CPM: variants seen among roughly 807,000 people sequenced by gnomAD.
CPM encodes the protein renal carboxypeptidase.
CPM carries 35 observed loss-of-function variants against 46.4 expected under a neutral mutation model. The observed-to-expected ratio is 0.75, with a 90% CI of 0.58 to 1.00. CPM has a LOEUF of 1.00. Among genes scored for constraint, CPM ranks in the 50% least tolerant of loss-of-function variants. CPM has a pLI of 0.00. For missense variants in CPM, 422 were observed against 530.4 expected (o/e 0.80, Z 2.01); for synonymous variants, 195 against 195.3 (o/e 1.00, Z 0.01).
chr12:68,886,715 G>A (rs1886447552), intron 2 of CPM, among the ~76,000 whole-genome samples: 1 of 152,154 alleles, frequency 6.6e-6, no homozygotes, highest in Non-Finnish European at 1.5e-5. Flanking sequence ...CCTGAATTCT[G>A]TATTTAAATG....
intron 1 of CPM, among the ~76,000 whole-genome samples, chr12:68,952,150 T>C (rs549759816): frequency 1.3e-5 from 2 of 152,330 alleles, no homozygotes; most frequent in Admixed American, 1.3e-4. Flanking sequence ...AAAGATTGCT[T>C]TTTTGAGGGA....
At chr12:68,924,403 C>T (rs1468875787) in intron 2 of CPM, among the ~76,000 whole-genome samples, 1 of 150,826 alleles carries the variant, frequency 6.6e-6, no homozygotes, top group Non-Finnish European at 1.5e-5. Context: ...AGGAGCATTG[C>T]TTGAACCCAG....
chr12:68,945,889 G>C (rs1177366632), intron 1 of CPM, among the ~76,000 whole-genome samples: 1 of 109,730 alleles, frequency 9.1e-6, no homozygotes, highest in Non-Finnish European at 1.7e-5. Context: ...GTCTCACTCT[G>C]TTGCCCAGGC....
At chr12:68,931,182 C>T (rs11615129) in intron 2 of CPM, among the ~76,000 whole-genome samples, 18,161 of 152,100 alleles carry the variant, frequency 0.12, 1,116 homozygotes, top group Non-Finnish European at 0.13. Context: ...ATATTGACTT[C>T]GCATTGCACA....
rs148466067 is a variant in CPM, at chr12:68,915,867, C to A, written c.160+16811G>T. Among the ~76,000 whole-genome samples, 975 of 152,338 alleles carry A rather than the reference C, an allele frequency of 6.4e-3. 11 individuals carry two copies. Among genetic ancestry groups the A allele is most frequent in the South Asian group, 0.037 (178 of 4,828 alleles). On this transcript the variant is annotated intron_variant, in intron 2 of 8. Transcript: ENST00000551568. Reference sequence around the variant, plus strand: ...ACATCAATTTCTTCATCTGTAAAATCTATTTGCTCTTGCCTATAAAATGGG... The same window carrying A: ...ACATCAATTTCTTCATCTGTAAAATATATTTGCTCTTGCCTATAAAATGGG...
At chr12:68,937,931 A>C (rs2136328755), upstream of CPM, among the ~76,000 whole-genome samples, 1 of 152,326 alleles carries the variant, frequency 6.6e-6, no homozygotes, top group African/African-American at 2.4e-5. Flanking sequence ...ACAGGATCAA[A>C]ATATCTTAGA....
chr12:68,878,456 C>T (rs1299853245), intron 3 of CPM, among the ~76,000 whole-genome samples: 1 of 152,188 alleles, frequency 6.6e-6, no homozygotes, highest in Non-Finnish European at 1.5e-5. Context: ...CTGGATGGAT[C>T]TGCTGGCACC....
Position 68,947,063 on chromosome 12 carries a change from T to C in CPM, c.-3-14223A>G, listed in dbSNP as rs147851405. Among the ~76,000 whole-genome samples, 1,156 of 152,210 alleles carry C rather than the reference T, an allele frequency of 7.6e-3. 23 individuals carry two copies. The highest frequency in any genetic ancestry group is 0.026 in the African/African-American group (1,080 of 41,528). On this transcript the variant is annotated intron_variant, in intron 1 of 8. Coordinates refer to the CPM transcript ENST00000546373. Reference sequence around the variant, plus strand: ...AAGCTCTCCATGAAAGTCCTAGAAGTTTTTTCCCTCTATTCCAGTGGCACA... The same window carrying C: ...AAGCTCTCCATGAAAGTCCTAGAAGCTTTTTCCCTCTATTCCAGTGGCACA...
chr12:68,949,915 C>T (rs571407586), intron 1 of CPM, among the ~76,000 whole-genome samples: 103 of 152,174 alleles, frequency 6.8e-4, no homozygotes, highest in Non-Finnish European at 8.8e-4. Flanking sequence ...CAGGTCAAGA[C>T]CTGGAAGAGT....
chr12:68,931,760 A>AG (rs1888513981), intron 2 of CPM, among the ~76,000 whole-genome samples: 1 of 148,926 alleles, frequency 6.7e-6, no homozygotes, highest in African/African-American at 2.5e-5. Flanking sequence ...AAAAAAAAAA[A>AG]AAAAAAGAAA....
intron 2 of CPM, among the ~76,000 whole-genome samples, chr12:68,930,126 G>C (rs2136320582): frequency 6.6e-6 from 1 of 152,150 alleles, no homozygotes; most frequent in South Asian, 2.1e-4. Context: ...TGTCACCCAG[G>C]CTGGAGTGCA....
intron 2 of CPM, among the ~76,000 whole-genome samples, chr12:68,912,211 T>G (rs1427883363): frequency 6.6e-6 from 1 of 152,194 alleles, no homozygotes; most frequent in African/African-American, 2.4e-5. Context: ...TTCACCATTT[T>G]GGCCAGGCTG....
chr12:68,913,896 G>A (rs1191694906), intron 2 of CPM: 1 of 700,090 alleles, frequency 1.4e-6, no homozygotes, highest in Non-Finnish European at 2.7e-6. Flanking sequence ...ACCTCAGTAT[G>A]CAACAAGATA....
At chr12:68,940,092 G>A (rs1888737107) in intron 1 of CPM, among the ~76,000 whole-genome samples, 1 of 150,776 alleles carries the variant, frequency 6.6e-6, no homozygotes. Context: ...TATTTCTTTG[G>A]TATTTTTATT....
intron 2 of CPM, among the ~76,000 whole-genome samples, chr12:68,886,210 T>C (rs79998110): frequency 3.0e-4 from 45 of 152,222 alleles, no homozygotes; most frequent in African/African-American, 1.1e-3. Flanking sequence ...CCTGGAGCCT[T>C]TGAGATCCTG....
chr12:68,860,493 C>T (rs151074517), intron 7 of CPM, among the ~76,000 whole-genome samples: 67 of 152,064 alleles, frequency 4.4e-4, no homozygotes, highest in African/African-American at 1.5e-3. Flanking sequence ...TGGGGTTTCA[C>T]CATGTTGCCC....
At chr12:68,892,196 G>T (rs564391804) in intron 2 of CPM, among the ~76,000 whole-genome samples, 43 of 152,122 alleles carry the variant, frequency 2.8e-4, no homozygotes, top group Non-Finnish European at 5.4e-4. Flanking sequence ...GATGGAAAAT[G>T]GAAAACATCA....
intron 2 of CPM, among the ~76,000 whole-genome samples, chr12:68,909,866 T>C (rs1003968057): frequency 6.6e-6 from 1 of 151,118 alleles, no homozygotes; most frequent in Non-Finnish European, 1.5e-5. Flanking sequence ...GGGATAACAT[T>C]AGGAGAAATA....
intron 2 of CPM, among the ~76,000 whole-genome samples, chr12:68,897,346 C>T (rs1886915983): frequency 6.6e-6 from 1 of 151,454 alleles, no homozygotes; most frequent in African/African-American, 2.4e-5. Context: ...CTCTAGGGAC[C>T]TCATACTATA....
Sources: allele counts gnomAD v4.1 joint callset (sites outside exome capture counted in the v4.1 genomes callset), GRCh38; gene constraint gnomAD v4.1.1; transcripts MANE v1.5; gene names NCBI Gene and HGNC (gene_info 2026-07-23, HGNC 2026-07-21).